Variants in OR56A3 observed in about 807,000 individuals in gnomAD.
OR56A3 encodes the protein olfactory receptor family 56 subfamily A member 3.
OR56A3 carries 23 observed loss-of-function variants against 17.5 expected under a neutral mutation model. The ratio of observed to expected loss-of-function variants is 1.32; its 90% CI spans 0.95 to 1.87. The LOEUF (loss-of-function observed/expected upper bound fraction) is 1.87. Ranked by LOEUF, OR56A3 falls within the 40% of genes most tolerant of loss-of-function variation. OR56A3 has a pLI of 0.00. For synonymous variants in OR56A3, 175 were observed against 150.6 expected (o/e 1.16, Z -1.19); for missense variants, 366 against 380.1 (o/e 0.96, Z 0.31).
the OR56A3 span, among the ~76,000 whole-genome samples, chr11:6,017,328 A>G: frequency 6.6e-6 from 1 of 152,232 alleles, no homozygotes; most frequent in Non-Finnish European, 1.5e-5. Flanking sequence ...ATTCTCAAAT[A>G]AATAAAAGCC....
At chr11:5,968,044 C>T in the OR56A3 span, 1 of 1,605,168 alleles carries the variant, frequency 6.2e-7, no homozygotes, top group Non-Finnish European at 8.5e-7. Context: ...CTGGCCACAA[C>T]AAAGATGGCA....
At chr11:5,988,329 A>G in the OR56A3 span, among the ~76,000 whole-genome samples, 2 of 152,118 alleles carry the variant, frequency 1.3e-5, no homozygotes, top group South Asian at 4.1e-4. Flanking sequence ...TTAAAGAAAC[A>G]TATCTTATTA....
the OR56A3 span, among the ~76,000 whole-genome samples, chr11:5,992,168 G>T: frequency 6.6e-6 from 1 of 152,186 alleles, no homozygotes; most frequent in Non-Finnish European, 1.5e-5. Flanking sequence ...TTATTTAGTG[G>T]ATGCTGTTGT....
chr11:5,962,632 G>C, the OR56A3 span, among the ~76,000 whole-genome samples: 8 of 150,116 alleles, frequency 5.3e-5, no homozygotes, highest in Admixed American at 4.0e-4. Context: ...TCCGCTTCCC[G>C]GGTTCACACC....
At chr11:5,976,285 T>G in the OR56A3 span, among the ~76,000 whole-genome samples, 1 of 144,342 alleles carries the variant, frequency 6.9e-6, no homozygotes, top group Non-Finnish European at 1.5e-5. Flanking sequence ...GAATAGGAAG[T>G]GAAGGGAAGA....
chr11:6,002,551 C>G, the OR56A3 span: 2 of 1,614,200 alleles, frequency 1.2e-6, no homozygotes, highest in Admixed American at 1.7e-5. Context: ...ACAAAGACCA[C>G]GGCCCTAGCC....
the OR56A3 span, among the ~76,000 whole-genome samples, chr11:6,016,772 G>A: frequency 6.8e-6 from 1 of 146,666 alleles, no homozygotes; most frequent in East Asian, 2.0e-4. Context: ...AAAAACCCCA[G>A]AAAATCAATT....
In OR56A3 at chr11:5,947,371, C is replaced by G. The variant is rs1420426313; in HGVS notation, c.25C>G (p.Leu9Val). 1 of 1,608,180 alleles carries G rather than the reference C, an allele frequency of 6.2e-7. No homozygotes were observed. The highest frequency in any genetic ancestry group is 1.7e-5 in the Admixed American group (1 of 59,440). Residue 9 changes from leucine (L) to valine (V), a missense_variant, in exon 3 of 3, where the codon CTC (leucine) becomes GTC (valine). Leu to Val is a conservative substitution (Grantham distance 32). Transcript: ENST00000641160. Reference sequence around the variant, plus strand: ...TATGACAACACACCGAAATGACACCCTCTCCACTGAAGCTTCAGACTTCCT... The same window carrying G: ...TATGACAACACACCGAAATGACACCGTCTCCACTGAAGCTTCAGACTTCCT... MTTHRNDT[L>V]STEASDFLLN...
the OR56A3 span, among the ~76,000 whole-genome samples, chr11:5,965,767 A>G: frequency 9.8e-5 from 15 of 152,290 alleles, no homozygotes; most frequent in African/African-American, 1.7e-4. Context: ...GATTAATTCC[A>G]TTGGGGTAAA....
chr11:6,006,588 T>C, the OR56A3 span, among the ~76,000 whole-genome samples: 2 of 152,312 alleles, frequency 1.3e-5, no homozygotes, highest in South Asian at 2.1e-4. Flanking sequence ...CCTAGGTTCA[T>C]AGATGAATGT....
At chr11:5,945,601 A>AG (rs1554887503) in intron 2 of OR56A3, among the ~76,000 whole-genome samples, 2,224 of 137,170 alleles carry the variant, frequency 0.016, 92 homozygotes, top group African/African-American at 0.057. Flanking sequence ...AAAAAAAAAA[A>AG]AATTATTTCT....
chr11:6,004,459 T>C, the OR56A3 span, among the ~76,000 whole-genome samples: 19 of 152,334 alleles, frequency 1.2e-4, no homozygotes, highest in African/African-American at 3.8e-4. Context: ...TGTAAGAGGA[T>C]TGAGGTGTGC....
the OR56A3 span, among the ~76,000 whole-genome samples, chr11:6,016,818 A>AT: frequency 1.3e-5 from 1 of 79,738 alleles, no homozygotes; most frequent in Non-Finnish European, 2.5e-5. Context: ...AAGAGATATC[A>AT]TTAAAAAAAA....
chr11:5,948,303 A>C lies in OR56A3; in HGVS notation c.*9A>C, dbSNP rs1564800119. ...TGAAGAAAGGGTGCTAACAAGGACCACTGGATCTCTGAATATCTAAAATAA... is the reference window on the plus strand; with the variant it reads ...TGAAGAAAGGGTGCTAACAAGGACCCCTGGATCTCTGAATATCTAAAATAA... On this transcript the variant is annotated 3_prime_UTR_variant, in exon 3 of 3. Transcript: ENST00000641160. The C allele has an allele frequency of 6.4e-7, 1 of 1,563,456 alleles. No individual in the cohort carries two copies.
At chr11:6,002,659 T>G in the OR56A3 span, 1 of 1,614,074 alleles carries the variant, frequency 6.2e-7, no homozygotes, top group Non-Finnish European at 8.5e-7. Flanking sequence ...GACTCCATGG[T>G]CAAAAAACTG....
At chr11:5,959,643 C>T in the OR56A3 span, among the ~76,000 whole-genome samples, 3 of 152,082 alleles carry the variant, frequency 2.0e-5, no homozygotes, top group African/African-American at 7.2e-5. Flanking sequence ...CTATTGATTG[C>T]TTTCTTTGCT....
chr11:5,993,405 CTCTT>C, the OR56A3 span, among the ~76,000 whole-genome samples: 1 of 152,192 alleles, frequency 6.6e-6, no homozygotes, highest in Admixed American at 6.5e-5. Context: ...AAAGATGATA[CTCTT>C]TCTTTAACAC....
At chr11:5,985,924 A>G in the OR56A3 span, 8 of 1,580,298 alleles carry the variant, frequency 5.1e-6, no homozygotes, top group South Asian at 5.8e-5. Flanking sequence ...GAAGGAAACA[A>G]TGAGAATATG....
the OR56A3 span, among the ~76,000 whole-genome samples, chr11:6,017,445 G>A: frequency 6.6e-6 from 1 of 152,146 alleles, no homozygotes; most frequent in Non-Finnish European, 1.5e-5. Context: ...ATCTAAGGGA[G>A]CATCTGTCAG....
Sources: gnomAD v4.1 joint callset for allele counts (sites outside exome capture counted in the v4.1 genomes callset) on GRCh38, gnomAD v4.1.1 for gene constraint, MANE v1.5 for transcripts, NCBI Gene and HGNC (gene_info 2026-07-23, HGNC 2026-07-21) for gene names.